OR51F2: variants seen among roughly 807,000 people sequenced by gnomAD.
OR51F2 encodes the protein olfactory receptor 51F2.
For synonymous variants in OR51F2, 172 were observed against 153.6 expected (o/e 1.12, Z -0.89); for missense variants, 435 against 401.4 (o/e 1.08, Z -0.72).
Position 4,821,762 on chromosome 11 carries a change from C to G in OR51F2, c.341C>G (p.Ser114Cys). The G allele has an allele frequency of 6.2e-7, 1 of 1,613,866 alleles. No individual in the cohort carries two copies. Among genetic ancestry groups the G allele is most frequent in the African/African-American group, 1.3e-5 (1 of 74,990 alleles). The change falls in exon 1 of 1, where the codon TCT becomes TGT. Residue 114 changes from serine to cysteine, a missense_variant. Transcript: ENST00000322110. ...FFLHGFTFME[S>C]GVLLAMAFDR... is the part of the protein sequence containing the mutation. The stretch of plus-strand genomic sequence containing the variant: ...CTACACGGATTTACTTTCATGGAGT[C>G]TGGGGTTCTACTGGCCATGGCCTTT...
In OR51F2 at chr11:4,821,451, G is replaced by C; in HGVS notation, c.30G>C (p.Glu10Asp). The C allele has an allele frequency of 1.2e-6, 2 of 1,613,830 alleles. No homozygotes were observed. The highest frequency in any genetic ancestry group is 1.7e-6 in the Non-Finnish European group (2 of 1,179,838). The stretch of plus-strand genomic sequence containing the variant: ...CGGTCCTCAATAATACCATTGCTGA[G>C]CCTCTGATCTTCCTCCTGATGGGCA... MSVLNNTIAEPLIFLLMGIP... is the reference protein window; with the variant it reads MSVLNNTIADPLIFLLMGIP... The change falls in exon 1 of 1, where the codon GAG becomes GAC. Residue 10 changes from glutamate (E) to aspartate (D), a missense_variant. Physicochemically the swap from Glu to Asp is conservative, Grantham distance 45. Transcript: ENST00000322110.
In OR51F2 at chr11:4,822,215, G is replaced by T. The variant is rs145891231; in HGVS notation, c.794G>T (p.Arg265Leu). The T allele has an allele frequency of 5.7e-6, 9 of 1,587,040 alleles. No homozygotes were observed. In the African/African-American group the frequency reaches 6.7e-5, roughly 12 times the overall value. ...LPLISLSLVH[R>L]YGHSAPPFVH... ...CTCATCAGTTTGTCTCTTGTCCATC[G>T]CTATGGCCATTCAGCACCTCCATTT... The change falls in exon 1 of 1, where the codon CGC (arginine) becomes CTC (leucine). Residue 265 changes from arginine to leucine, a missense_variant. Coordinates refer to ENST00000322110, the MANE Select transcript of OR51F2 (RefSeq NM_001004753.2).
In OR51F2 at chr11:4,821,458, A is replaced by G. The variant is rs1407905117; in HGVS notation, c.37A>G (p.Ile13Val). Residue 13 changes from isoleucine (I) to valine (V), a missense_variant, in exon 1 of 1, where the codon ATC becomes GTC. Transcript: ENST00000322110. ...CAATAATACCATTGCTGAGCCTCTG[A>G]TCTTCCTCCTGATGGGCATTCCAGG... Reference protein sequence around the residue: ...VLNNTIAEPLIFLLMGIPGLK... With the variant: ...VLNNTIAEPLVFLLMGIPGLK... 6.2e-6 allele frequency: 10 copies of G among 1,613,658 alleles called. No individual in the cohort carries two copies. Among genetic ancestry groups the G allele is most frequent in the Admixed American group, 1.7e-5 (1 of 59,974 alleles).
In OR51F2 at chr11:4,821,580, T is replaced by C; in HGVS notation, c.159T>C (p.Cys53=). 3 of 1,613,624 alleles carry C rather than the reference T, an allele frequency of 1.9e-6. No individual in the cohort carries two copies. The highest frequency in any genetic ancestry group is 2.7e-5 in the African/African-American group (2 of 75,018). The change falls in exon 1 of 1, where the codon TGT becomes TGC. Residue 53 remains cysteine, a synonymous_variant. Coordinates refer to ENST00000322110, the MANE Select transcript of OR51F2 (RefSeq NM_001004753.2). The part of the protein sequence containing the change: ...GNSMILFVVL[C]ERSLHKPMYY... ...GCATGATCCTGTTTGTGGTCCTCTG[T>C]GAACGGAGCCTCCATAAGCCTATGT...
Position 4,821,379 on chromosome 11 carries a change from A to C in OR51F2, c.-43A>C, listed in dbSNP as rs373984546. The stretch of plus-strand genomic sequence containing the variant: ...AGTGATAAACTATGTATTATGTGTT[A>C]TGTTAAATGACTGAAACATCCCTGT... On this transcript the variant is annotated 5_prime_UTR_variant, in exon 1 of 1. The change abolishes an upstream ATG in the 5' untranslated region. Transcript: ENST00000322110. The C allele has an allele frequency of 4.4e-6, 7 of 1,605,000 alleles. No homozygotes were observed. Among genetic ancestry groups the C allele is most frequent in the Non-Finnish European group, 5.1e-6 (6 of 1,172,214 alleles).
chr11:4,821,493 C>T lies in OR51F2; in HGVS notation c.72C>T (p.Ala24=), dbSNP rs751002866. 34 of 1,611,812 alleles carry T rather than the reference C, an allele frequency of 2.1e-5. No homozygotes were observed. The highest frequency in any genetic ancestry group is 2.8e-5 in the Non-Finnish European group (33 of 1,179,316). ...TGATGGGCATTCCAGGCCTGAAAGC[C>T]ACCCAGTACTGGATCTCCATCCCTT... ...FLLMGIPGLK[A]TQYWISIPFC... Residue 24 remains alanine (A), a synonymous_variant, in exon 1 of 1, where the codon GCC becomes GCT. Transcript: ENST00000322110.
rs377036892 is a variant in OR51F2, at chr11:4,821,614, C to T, written c.193C>T (p.Leu65Phe). 13 of 1,613,800 alleles carry T rather than the reference C, an allele frequency of 8.1e-6. No homozygotes were observed. In the Admixed American group the frequency reaches 1.8e-4, roughly 23 times the overall value. ...RSLHKPMYYF[L>F]SMLSATDLSL... ...CCTCCATAAGCCTATGTACTATTTCCTCTCTATGCTTTCAGCCACAGACCT... is the reference window on the plus strand; with the variant it reads ...CCTCCATAAGCCTATGTACTATTTCTTCTCTATGCTTTCAGCCACAGACCT... Residue 65 changes from leucine (L) to phenylalanine (F), a missense_variant, in exon 1 of 1, where the codon CTC becomes TTC. Transcript: ENST00000322110.
Position 4,821,952 on chromosome 11 carries a change from A to T in OR51F2, c.531A>T (p.Ser177=). The change falls in exon 1 of 1, where the codon TCA becomes TCT. Residue 177 remains serine, a synonymous_variant. Coordinates refer to ENST00000322110, the MANE Select transcript of OR51F2 (RefSeq NM_001004753.2). ...CCTTCTGCAGTTCTATGGTCCTTTC[A>T]CATTCTTACTGCTACCATGTTGATC... ...RLSFCSSMVL[S]HSYCYHVDLI... The T allele has an allele frequency of 6.2e-7, 1 of 1,614,004 alleles. No homozygotes were observed. Among genetic ancestry groups the T allele is most frequent in the Non-Finnish European group, 8.5e-7 (1 of 1,179,946 alleles).
rs61741857 is a variant in OR51F2 at position 4,821,632 on chromosome 11, A to G, written c.211A>G (p.Thr71Ala). 2,254 of 1,614,034 alleles carry G rather than the reference A, an allele frequency of 1.4e-3. 10 individuals carry two copies. In the African/African-American group the frequency reaches 0.016, roughly 11 times the overall value. Residue 71 changes from threonine to alanine, a missense_variant, in exon 1 of 1, where the codon ACA becomes GCA. Transcript: ENST00000322110. ...MYYFLSMLSATDLSLSLCTLS... is the reference protein window; with the variant it reads ...MYYFLSMLSAADLSLSLCTLS... ...CTATTTCCTCTCTATGCTTTCAGCCACAGACCTGAGCTTGTCCCTGTGTAC... is the reference window on the plus strand; with the variant it reads ...CTATTTCCTCTCTATGCTTTCAGCCGCAGACCTGAGCTTGTCCCTGTGTAC...
In OR51F2 at chr11:4,821,824, A is replaced by C; in HGVS notation, c.403A>C (p.Thr135Pro). 1 of 1,613,124 alleles carries C rather than the reference A, an allele frequency of 6.2e-7. No individual in the cohort carries two copies. The highest frequency in any genetic ancestry group is 8.5e-7 in the Non-Finnish European group (1 of 1,179,514). ...GGCCATCTGTTACCCACTGAGATAC[A>C]CTACCATCCTTACCAATGCCCGAAT... ...FVAICYPLRYTTILTNARIAK... is the reference protein window; with the variant it reads ...FVAICYPLRYPTILTNARIAK... Residue 135 changes from threonine (T) to proline (P), a missense_variant, in exon 1 of 1, where the codon ACT (threonine) becomes CCT (proline). Coordinates refer to ENST00000322110, the MANE Select transcript of OR51F2 (RefSeq NM_001004753.2).
Position 4,822,066 on chromosome 11 carries a change from C to T in OR51F2, c.645C>T (p.Cys215=). The stretch of plus-strand genomic sequence containing the variant: ...CCACTACAGGGTTTGACTGCCCTTG[C>T]ATCCTGCTCTCCTATATCCTGATCA... ...LLSTTGFDCP[C]ILLSYILIIR... Residue 215 remains cysteine, a synonymous_variant, in exon 1 of 1, where the codon TGC becomes TGT. Coordinates refer to ENST00000322110, the MANE Select transcript of OR51F2 (RefSeq NM_001004753.2). 1 of 1,613,654 alleles carries T rather than the reference C, an allele frequency of 6.2e-7. No homozygotes were observed. Among genetic ancestry groups the T allele is most frequent in the Non-Finnish European group, 8.5e-7 (1 of 1,179,856 alleles).
In OR51F2 at chr11:4,821,823, C is replaced by T. The variant is rs1190785600; in HGVS notation, c.402C>T (p.Tyr134=). ...TGGCCATCTGTTACCCACTGAGATA[C>T]ACTACCATCCTTACCAATGCCCGAA... is the stretch of plus-strand genomic sequence containing the variant. ...RFVAICYPLR[Y]TTILTNARIA... is the part of the protein sequence containing the mutation. Residue 134 remains tyrosine, a synonymous_variant, in exon 1 of 1, where the codon TAC becomes TAT. Coordinates refer to ENST00000322110, the MANE Select transcript of OR51F2 (RefSeq NM_001004753.2). 1.2e-6 allele frequency: 2 copies of T among 1,612,778 alleles called. No homozygotes were observed. Among genetic ancestry groups the T allele is most frequent in the Non-Finnish European group, 1.7e-6 (2 of 1,179,388 alleles).
In OR51F2 at chr11:4,821,997, A is replaced by G. The variant is rs1363337224; in HGVS notation, c.576A>G (p.Thr192=). 1.2e-6 allele frequency: 2 copies of G among 1,614,062 alleles called. No homozygotes were observed. Among genetic ancestry groups the G allele is most frequent in the Admixed American group, 1.7e-5 (1 of 60,024 alleles). Residue 192 remains threonine (T), a synonymous_variant, in exon 1 of 1, where the codon ACA becomes ACG. Coordinates refer to ENST00000322110, the MANE Select transcript of OR51F2 (RefSeq NM_001004753.2). ...YHVDLIQLSC[T]DNRINSILGL... is the part of the protein sequence containing the mutation. ...TTGATCTCATCCAACTCTCCTGCACAGACAATAGGATCAACAGCATCCTTG... is the reference window on the plus strand; with the variant it reads ...TTGATCTCATCCAACTCTCCTGCACGGACAATAGGATCAACAGCATCCTTG...
rs1849504177 is a variant in OR51F2, at chr11:4,821,714, C to T, written c.293C>T (p.Ala98Val). 1.2e-6 allele frequency: 2 copies of T among 1,613,946 alleles called. No individual in the cohort carries two copies. The highest frequency in any genetic ancestry group is 1.3e-5 in the African/African-American group (1 of 74,996). ...GAAGCCCGAGAAATCAACCTAAATGCCTGCATTGCCCAGATGTTCTTTCTA... is the reference window on the plus strand; with the variant it reads ...GAAGCCCGAGAAATCAACCTAAATGTCTGCATTGCCCAGATGTTCTTTCTA... ...WFEAREINLN[A>V]CIAQMFFLHG... The change falls in exon 1 of 1, where the codon GCC becomes GTC. Residue 98 changes from alanine to valine, a missense_variant. Ala to Val is a moderately conservative substitution (Grantham distance 64). Transcript: ENST00000322110.
In OR51F2 at chr11:4,822,401, C is replaced by A. The variant is rs1849522764; in HGVS notation, c.980C>A (p.Ala327Asp). The stretch of plus-strand genomic sequence containing the variant: ...CAGCTATTTCTGATTAGAGATAAAG[C>A]CATTTATGAATAAGTGCTTTGCTAC... The part of the protein sequence containing the change: ...NHQLFLIRDK[A>D]IYE The change falls in exon 1 of 1, where the codon GCC becomes GAC. Residue 327 changes from alanine (A) to aspartate (D), a missense_variant. Transcript: ENST00000322110. The A allele has an allele frequency of 1.4e-6, 2 of 1,436,984 alleles. No individual in the cohort carries two copies. The highest frequency in any genetic ancestry group is 2.7e-5 in the Admixed American group (1 of 36,964). The allele number at this position is 1,436,984 out of a possible 1,614,324, so 89.0% of individuals were successfully genotyped here.
rs1279702701 is a variant in OR51F2, at chr11:4,821,765, G to C, written c.344G>C (p.Gly115Ala). The C allele has an allele frequency of 3.1e-6, 5 of 1,613,820 alleles. No individual in the cohort carries two copies. The African/African-American group carries it at 4.0e-5, about 13-fold the overall frequency. The change falls in exon 1 of 1, where the codon GGG becomes GCG. Residue 115 changes from glycine (G) to alanine (A), a missense_variant. Gly to Ala is a moderately conservative substitution (Grantham distance 60). Coordinates refer to ENST00000322110, the MANE Select transcript of OR51F2 (RefSeq NM_001004753.2). ...CACGGATTTACTTTCATGGAGTCTG[G>C]GGTTCTACTGGCCATGGCCTTTGAT... ...FLHGFTFMES[G>A]VLLAMAFDRF...
In OR51F2 at chr11:4,821,826, T is replaced by C; in HGVS notation, c.405T>C (p.Thr135=). The C allele has an allele frequency of 6.2e-7, 1 of 1,613,204 alleles. No homozygotes were observed. The highest frequency in any genetic ancestry group is 8.5e-7 in the Non-Finnish European group (1 of 1,179,558). ...FVAICYPLRY[T]TILTNARIAK... is the part of the protein sequence containing the mutation. Reference sequence around the variant, plus strand: ...CCATCTGTTACCCACTGAGATACACTACCATCCTTACCAATGCCCGAATTG... The same window carrying C: ...CCATCTGTTACCCACTGAGATACACCACCATCCTTACCAATGCCCGAATTG... The change falls in exon 1 of 1, where the codon ACT becomes ACC. Residue 135 remains threonine (T), a synonymous_variant. Transcript: ENST00000322110.
rs765986677 is a variant in OR51F2 at position 4,822,080 on chromosome 11, A to G, written c.659A>G (p.Tyr220Cys). 6 of 1,613,450 alleles carry G rather than the reference A, an allele frequency of 3.7e-6. No homozygotes were observed. In the East Asian group the frequency reaches 8.9e-5, roughly 24 times the overall value. Residue 220 changes from tyrosine (Y) to cysteine (C), a missense_variant, in exon 1 of 1, where the codon TAT becomes TGT. Transcript: ENST00000322110. ...GACTGCCCTTGCATCCTGCTCTCCTATATCCTGATCATTCGATCTGTCCTC... is the reference window on the plus strand; with the variant it reads ...GACTGCCCTTGCATCCTGCTCTCCTGTATCCTGATCATTCGATCTGTCCTC... ...GFDCPCILLS[Y>C]ILIIRSVLSI...
At position 4,821,402 on chromosome 11, in the gene OR51F2, T is replaced by C. The variant is rs1047870038; in HGVS notation, c.-20T>C. The C allele has an allele frequency of 1.2e-6, 2 of 1,613,360 alleles. No individual in the cohort carries two copies. Among genetic ancestry groups the C allele is most frequent in the Admixed American group, 3.3e-5 (2 of 59,972 alleles). On this transcript the variant is annotated 5_prime_UTR_variant, in exon 1 of 1. Transcript: ENST00000322110. The stretch of plus-strand genomic sequence containing the variant: ...TTATGTTAAATGACTGAAACATCCC[T>C]GTCTTCTCAGTGCTTCCCTATGTCG...
Sources: gnomAD v4.1 joint callset for allele counts on GRCh38, gnomAD v4.1.1 for gene constraint, MANE v1.5 for transcripts, NCBI Gene and HGNC (gene_info 2026-07-23, HGNC 2026-07-21) for gene names.